The following PLCB4 variants were observed in gnomAD, a reference collection of about 807,000 sequenced individuals.
The protein encoded by PLCB4 is 1-phosphatidylinositol 4,5-bisphosphate phosphodiesterase beta-4.
PLCB4 carries 77 observed loss-of-function variants against 178.8 expected under a neutral mutation model. The ratio of observed to expected loss-of-function variants is 0.43; its 90% CI spans 0.36 to 0.52. The LOEUF is 0.52. Among genes scored for constraint, PLCB4 ranks in the 20% least tolerant of loss-of-function variants. The probability of loss-of-function intolerance (pLI) is 0.00; values close to 1 mark genes in which losing one functional copy is unlikely to be tolerated. For missense variants in PLCB4, 1,024 were observed against 1,453.4 expected (o/e 0.70, Z 4.80); for synonymous variants, 496 against 490.8 (o/e 1.01, Z -0.14).
chr20:9,307,502 C>T (rs931943069), intron 3 of PLCB4, among the ~76,000 whole-genome samples: 3,519 of 59,576 alleles, frequency 0.059, 153 homozygotes, highest in African/African-American at 0.14. Context: ...AATACACACA[C>T]ACACACACAC....
At chr20:9,311,627 A>T (rs974001744) in intron 4 of PLCB4, among the ~76,000 whole-genome samples, 2 of 152,078 alleles carry the variant, frequency 1.3e-5, no homozygotes, top group African/African-American at 4.8e-5. Context: ...TCTGTCTCTC[A>T]ATCTAAAGAA....
chr20:9,128,566 G>C (rs1240916404), intron 2 of PLCB4, among the ~76,000 whole-genome samples: 1 of 152,054 alleles, frequency 6.6e-6, no homozygotes, highest in African/African-American at 2.4e-5. Context: ...TGTATTTTTA[G>C]TAGAAACGGG....
At position 9,184,613 on chromosome 20, in the gene PLCB4, A is replaced by C. The variant is rs2093301447; in HGVS notation, c.-78-32777A>C. Reference sequence around the variant, plus strand: ...GCATTGTGCCTCAAAAAAAAAAAAAAAAAAAAAACCTCTGGTTTTTATGAT... The same window carrying C: ...GCATTGTGCCTCAAAAAAAAAAAAACAAAAAAAACCTCTGGTTTTTATGAT... On this transcript the variant is annotated intron_variant, in intron 2 of 39. Transcript: ENST00000378473. Among the ~76,000 whole-genome samples, 2 of 152,046 alleles carry C rather than the reference A, an allele frequency of 1.3e-5. 1 individual carries two copies. The highest frequency in any genetic ancestry group is 2.9e-5 in the Non-Finnish European group (2 of 67,944).
chr20:9,414,188 C>T (rs2040078196), intron 25 of PLCB4, among the ~76,000 whole-genome samples: 1 of 152,258 alleles, frequency 6.6e-6, no homozygotes, highest in Admixed American at 6.5e-5. Context: ...ACCAGAAAAG[C>T]TGAAAAATAG....
intron 4 of PLCB4, among the ~76,000 whole-genome samples, chr20:9,312,155 G>A (rs1265713010): frequency 6.6e-6 from 1 of 151,930 alleles, no homozygotes; most frequent in Non-Finnish European, 1.5e-5. Flanking sequence ...GCCAGAGCAG[G>A]GGTTCAAATG....
intron 2 of PLCB4, among the ~76,000 whole-genome samples, chr20:9,106,541 A>G (rs925691967): frequency 8.0e-5 from 12 of 149,774 alleles, no homozygotes; most frequent in African/African-American, 2.9e-4. Context: ...ACACACATGC[A>G]CACACACACA....
At chr20:9,393,739 G>C in intron 18 of PLCB4, 61 bp downstream of exon 18, 2 of 1,102,876 alleles carry the variant, frequency 1.8e-6, no homozygotes, top group South Asian at 1.3e-5. Context: ...CATTTCAGCT[G>C]TTGAGAATTC....
At chr20:9,307,157 G>C (rs1435195230) in intron 3 of PLCB4, among the ~76,000 whole-genome samples, 1 of 152,168 alleles carries the variant, frequency 6.6e-6, no homozygotes, top group South Asian at 2.1e-4. Context: ...CCCCACCTCA[G>C]TGGGCAGGCT....
At chr20:9,433,902 A>G (rs1037636154) in intron 28 of PLCB4, among the ~76,000 whole-genome samples, 6 of 152,148 alleles carry the variant, frequency 3.9e-5, no homozygotes, top group Non-Finnish European at 7.3e-5. Context: ...AATTGATGCA[A>G]TTTCGGTGGA....
rs979905733 is a variant in PLCB4, at chr20:9,427,058, C to T, written c.2524+3106C>T. Among the ~76,000 whole-genome samples, 7 of 152,226 alleles carry T rather than the reference C, an allele frequency of 4.6e-5. No homozygotes were observed. The East Asian group carries it at 1.4e-3, about 30-fold the overall frequency. ...TGGCCAACATGGCAAAACACTGTCTCTACTAAAAATGCAAAAATTAGCCTG... is the reference window on the plus strand; with the variant it reads ...TGGCCAACATGGCAAAACACTGTCTTTACTAAAAATGCAAAAATTAGCCTG... On this transcript the variant is annotated intron_variant, in intron 28 of 39. Coordinates refer to ENST00000378473, the MANE Select transcript of PLCB4 (RefSeq NM_001377142.1).
chr20:9,424,963 C>G (rs985829050), intron 28 of PLCB4, among the ~76,000 whole-genome samples: 9 of 151,916 alleles, frequency 5.9e-5, no homozygotes, highest in Non-Finnish European at 1.5e-5. Context: ...AGTCTAATAT[C>G]AGAGTCAAAA....
At chr20:9,355,861 G>A in intron 7 of PLCB4, among the ~76,000 whole-genome samples, 1 of 152,118 alleles carries the variant, frequency 6.6e-6, no homozygotes, top group Non-Finnish European at 1.5e-5. Flanking sequence ...AGATCCCTGA[G>A]GAATCACCAC....
chr20:9,109,066 C>A (rs1011648858), intron 2 of PLCB4, among the ~76,000 whole-genome samples: 1 of 152,132 alleles, frequency 6.6e-6, no homozygotes, highest in African/African-American at 2.4e-5. Flanking sequence ...TAACTTTAGC[C>A]TGAATAGACT....
intron 2 of PLCB4, among the ~76,000 whole-genome samples, chr20:9,104,163 A>T (rs930737257): frequency 2.6e-5 from 4 of 152,194 alleles, no homozygotes; most frequent in African/African-American, 7.2e-5. Context: ...ATTCACCTAC[A>T]TGCCTGGCAA....
chr20:9,472,384 C>T (rs904732450), intron 36 of PLCB4, among the ~76,000 whole-genome samples: 2 of 152,180 alleles, frequency 1.3e-5, no homozygotes, highest in Non-Finnish European at 2.9e-5. Context: ...TCTTATATTA[C>T]ACATGGGCAC....
intron 7 of PLCB4, among the ~76,000 whole-genome samples, chr20:9,342,417 C>T (rs2033318679): frequency 6.6e-6 from 1 of 152,048 alleles, no homozygotes; most frequent in Admixed American, 6.6e-5. Context: ...AATCAGGGGG[C>T]CATGAAATAT....
chr20:9,396,500 T>G (rs916849450), intron 19 of PLCB4, among the ~76,000 whole-genome samples: 1 of 152,250 alleles, frequency 6.6e-6, no homozygotes, highest in African/African-American at 2.4e-5. Flanking sequence ...TCTTTTACTT[T>G]GATCACATAG....
chr20:9,315,551 G>C (rs1321748613), intron 4 of PLCB4, among the ~76,000 whole-genome samples: 1 of 152,200 alleles, frequency 6.6e-6, no homozygotes, highest in East Asian at 1.9e-4. Context: ...ACATTGAGGA[G>C]TAGGGGAGGG....
intron 14 of PLCB4, among the ~76,000 whole-genome samples, chr20:9,385,295 A>G (rs921725517): frequency 1.3e-5 from 2 of 151,284 alleles, no homozygotes; most frequent in East Asian, 2.0e-4. Flanking sequence ...CATCGTCATC[A>G]TGGCCCGTTC....
Sources: gnomAD v4.1 joint callset for allele counts (sites outside exome capture counted in the v4.1 genomes callset) on GRCh38, gnomAD v4.1.1 for gene constraint, MANE v1.5 for transcripts, NCBI Gene and HGNC (gene_info 2026-07-23, HGNC 2026-07-21) for gene names.